ZBTB20: variants seen among roughly 807,000 people sequenced by gnomAD.
ZBTB20 encodes zinc finger and BTB domain containing 20.
ZBTB20 carries 9 observed loss-of-function variants against 56.9 expected under a neutral mutation model. The ratio of observed to expected loss-of-function variants is 0.16; its 90% CI spans 0.10 to 0.28. ZBTB20 has a LOEUF of 0.28. Ranked by LOEUF, ZBTB20 falls within the 10% of genes least tolerant of loss-of-function variation. The pLI is 1.00. For synonymous variants in ZBTB20, 417 were observed against 420.7 expected (o/e 0.99, Z 0.11); for missense variants, 655 against 1,003.0 (o/e 0.65, Z 4.69).
At chr3:114,970,876 A>G (rs2077850106) in intron 3 of ZBTB20, among the ~76,000 whole-genome samples, 1 of 152,066 alleles carries the variant, frequency 6.6e-6, no homozygotes, top group Non-Finnish European at 1.5e-5. Context: ...TTAGCCAGGC[A>G]TGGTAGTGGG....
chr3:114,850,661 C>G (rs1413066476), intron 4 of ZBTB20, among the ~76,000 whole-genome samples: 2 of 152,178 alleles, frequency 1.3e-5, no homozygotes, highest in Non-Finnish European at 2.9e-5. Context: ...TGGTCTGGCT[C>G]CAGAGTCAAA....
chr3:114,565,853 A>C (rs560603614), intron 6 of ZBTB20, among the ~76,000 whole-genome samples: 1 of 152,254 alleles, frequency 6.6e-6, no homozygotes, highest in South Asian at 2.1e-4. Flanking sequence ...ATTCCCAGTA[A>C]GATGTTGTCA....
In ZBTB20 at chr3:114,726,239, GT is replaced by G. The variant is rs1363188836; in HGVS notation, c.-342-32665del. On this transcript the variant is annotated intron_variant, in intron 5 of 11. Transcript: ENST00000675478. ...AAGATCATTTTAGACAGGGTGGGGT[GT>G]TTTGATATGAATCGCAGGTCAAAGT... Among the ~76,000 whole-genome samples, 3 of 152,084 alleles carry G rather than the reference GT, an allele frequency of 2.0e-5. No individual in the cohort carries two copies. The East Asian group carries it at 5.8e-4, about 29-fold the overall frequency.
intron 11 of ZBTB20, among the ~76,000 whole-genome samples, chr3:114,340,027 T>C (rs1560093693): frequency 6.6e-6 from 1 of 152,220 alleles, no homozygotes; most frequent in Non-Finnish European, 1.5e-5. Context: ...CTTTCAAGTT[T>C]ATCTATTTTA....
intron 5 of ZBTB20, among the ~76,000 whole-genome samples, chr3:114,748,347 T>TC (rs2067268119): frequency 2.4e-5 from 2 of 83,964 alleles, no homozygotes; most frequent in African/African-American, 8.3e-5. Context: ...CTTTCTTTCT[T>TC]TCTTTTCTCT....
intron 6 of ZBTB20, chr3:114,518,856 C>T (rs926422100): frequency 2.6e-5 from 4 of 152,164 alleles, no homozygotes; most frequent in African/African-American, 7.2e-5. Context: ...TAGAGAAGTT[C>T]CTACTGGCAT....
chr3:115,136,485 C>T (rs1232849197), intron 1 of ZBTB20, among the ~76,000 whole-genome samples: 1 of 149,186 alleles, frequency 6.7e-6, no homozygotes, highest in Non-Finnish European at 1.5e-5. Flanking sequence ...TACTATAATT[C>T]TAAATGTTAC....
intron 1 of ZBTB20, among the ~76,000 whole-genome samples, chr3:115,098,808 T>C (rs1313256349): frequency 2.6e-5 from 4 of 152,170 alleles, no homozygotes; most frequent in African/African-American, 9.7e-5. Context: ...ATGGACTTCT[T>C]TGTGTTGTCA....
At chr3:114,612,647 A>C (rs936771987) in intron 6 of ZBTB20, among the ~76,000 whole-genome samples, 1 of 152,320 alleles carries the variant, frequency 6.6e-6, no homozygotes, top group African/African-American at 2.4e-5. Context: ...GATATTCACT[A>C]TTAGACATAC....
At chr3:114,669,981 C>A (rs1223509360) in intron 6 of ZBTB20, among the ~76,000 whole-genome samples, 1 of 151,902 alleles carries the variant, frequency 6.6e-6, no homozygotes, top group Non-Finnish European at 1.5e-5. Flanking sequence ...ATTTGAAAAT[C>A]AAGAAAATTT....
chr3:114,887,307 T>G (rs907936149), intron 4 of ZBTB20, among the ~76,000 whole-genome samples: 1 of 152,174 alleles, frequency 6.6e-6, no homozygotes, highest in African/African-American at 2.4e-5. Context: ...CATAGATATT[T>G]ACTACCAAAA....
At chr3:114,567,954 A>G (rs554008520) in intron 6 of ZBTB20, among the ~76,000 whole-genome samples, 1 of 152,322 alleles carries the variant, frequency 6.6e-6, no homozygotes, top group South Asian at 2.1e-4. Flanking sequence ...CAAGGGTTCA[A>G]ACTCCACACC....
rs1054354160 is a variant in ZBTB20 at position 114,324,082 on chromosome 3, G to A, written c.*14923C>T. On this transcript the variant is annotated 3_prime_UTR_variant, in exon 12 of 12. Coordinates refer to ENST00000675478, the MANE Select transcript of ZBTB20 (RefSeq NM_001348800.3). The stretch of plus-strand genomic sequence containing the variant: ...GTGAGTCATCTCTTTTGTTGCTCCT[G>A]TTTGTTTCAGCTCAAAGTAGAGAAA... The A allele has an allele frequency of 2.0e-5, 3 of 152,134 alleles. No homozygotes were observed. The highest frequency in any genetic ancestry group is 4.4e-5 in the Non-Finnish European group (3 of 68,022). The allele number at this position is 152,134 out of a possible 1,614,324, so 9.4% of individuals were successfully genotyped here. A position where few individuals can be genotyped will look rare whatever the true frequency, so the allele number is the denominator to read the frequency against.
At chr3:114,495,127 A>G (rs2043137662) in intron 7 of ZBTB20, among the ~76,000 whole-genome samples, 1 of 152,254 alleles carries the variant, frequency 6.6e-6, no homozygotes, top group Non-Finnish European at 1.5e-5. Flanking sequence ...GTGCATACAC[A>G]ACGCTCAACA....
chr3:114,378,081 G>A (rs2083870379), intron 10 of ZBTB20, among the ~76,000 whole-genome samples: 1 of 150,990 alleles, frequency 6.6e-6, no homozygotes, highest in Non-Finnish European at 1.5e-5. Context: ...TCTATGGTAA[G>A]AATGACATTT....
chr3:114,834,492 A>G (rs2074020424), intron 4 of ZBTB20, among the ~76,000 whole-genome samples: 1 of 152,214 alleles, frequency 6.6e-6, no homozygotes, highest in Non-Finnish European at 1.5e-5. Flanking sequence ...AAGAATTTTT[A>G]AGTTAAACAT....
chr3:114,885,650 A>T (rs2076576886), intron 4 of ZBTB20, among the ~76,000 whole-genome samples: 1 of 152,134 alleles, frequency 6.6e-6, no homozygotes, highest in South Asian at 2.1e-4. Context: ...TGCAAATCCC[A>T]GTTTGGTATT....
intron 3 of ZBTB20, among the ~76,000 whole-genome samples, chr3:114,962,244 G>A (rs2077481192): frequency 6.6e-6 from 1 of 152,060 alleles, no homozygotes; most frequent in African/African-American, 2.4e-5. Flanking sequence ...ATCTAGGTAA[G>A]AGCCTAGTAT....
At chr3:114,530,324 C>A (rs968085357) in intron 6 of ZBTB20, among the ~76,000 whole-genome samples, 31 of 152,134 alleles carry the variant, frequency 2.0e-4, no homozygotes. Flanking sequence ...TGTTTAGATA[C>A]ATGAAAACTT....
Sources: gnomAD v4.1 joint callset for allele counts (sites outside exome capture counted in the v4.1 genomes callset) on GRCh38, gnomAD v4.1.1 for gene constraint, MANE v1.5 for transcripts, NCBI Gene and HGNC (gene_info 2026-07-23, HGNC 2026-07-21) for gene names.